The following TRIQK variants were observed in gnomAD, a reference collection of about 807,000 sequenced individuals.
TRIQK encodes triple QxxK/R motif containing.
Under a neutral mutation model 10.8 loss-of-function variants are expected in TRIQK, and 10 were observed. The observed-to-expected ratio is 0.92, with a 90% confidence interval of 0.57 to 1.57. The LOEUF (loss-of-function observed/expected upper bound fraction) is 1.57. TRIQK is among the 40% of genes most tolerant of loss of function. The pLI is 0.00. For synonymous variants in TRIQK, 33 were observed against 33.7 expected, an observed-to-expected ratio of 0.98 and a Z score of 0.07; for missense variants, 107 against 97.7, an observed-to-expected ratio of 1.09 and a Z score of -0.40.
chr8:92,930,598 A>C (rs1039216050), intron 2 of TRIQK, among the ~76,000 whole-genome samples: 2 of 151,990 alleles, frequency 1.3e-5, no homozygotes, highest in Non-Finnish European at 2.9e-5. Context: ...AATCAAACAA[A>C]AGGAATGAGA....
upstream of TRIQK, among the ~76,000 whole-genome samples, chr8:92,966,461 ACTGT>A (rs1210337588): frequency 2.0e-5 from 3 of 152,324 alleles, no homozygotes; most frequent in Admixed American, 2.0e-4. Flanking sequence ...GGAAGGGCGC[ACTGT>A]CTGTGTAAAC....
chr8:92,981,227 G>A (rs1021967729), intron 1 of TRIQK, among the ~76,000 whole-genome samples: 24 of 151,790 alleles, frequency 1.6e-4, no homozygotes, highest in Admixed American at 1.6e-3. Context: ...AAGCCTGTTC[G>A]TGAGGTCTGT....
chr8:92,926,124 T>C (rs575308170), intron 2 of TRIQK, among the ~76,000 whole-genome samples: 42 of 151,602 alleles, frequency 2.8e-4, no homozygotes, highest in African/African-American at 1.0e-3. Context: ...AACAGAAGAG[T>C]TGATAAACTG....
In TRIQK at chr8:92,952,554, A is replaced by G. The variant is rs1364035350; in HGVS notation, c.-22+1852T>C. Among the ~76,000 whole-genome samples the G allele has an allele frequency of 3.3e-5, 5 of 152,104 alleles. No homozygotes were observed. The South Asian group carries it at 1.0e-3, about 31-fold the overall frequency. On this transcript the variant is annotated intron_variant, in intron 2 of 4. Coordinates refer to ENST00000521988, the MANE Select transcript of TRIQK (RefSeq NM_001171797.2). ...TAAGAACAGAAGAAATATTTGAAAC[A>G]ATAATGACTGAGAATAAATGTCAGA...
chr8:92,896,566 G>T (rs1344669483), intron 3 of TRIQK, among the ~76,000 whole-genome samples: 1 of 152,142 alleles, frequency 6.6e-6, no homozygotes, highest in Non-Finnish European at 1.5e-5. Context: ...GCTGCTGGGT[G>T]GTTTGAACCC....
chr8:92,972,285 C>A (rs1812884021), intron 1 of TRIQK, among the ~76,000 whole-genome samples: 1 of 151,958 alleles, frequency 6.6e-6, no homozygotes, highest in Admixed American at 6.6e-5. Flanking sequence ...GGGTATAAGT[C>A]TATCATTTTT....
At chr8:93,008,057 A>C (rs1034774269) in intron 1 of TRIQK, among the ~76,000 whole-genome samples, 66 of 152,184 alleles carry the variant, frequency 4.3e-4, no homozygotes, top group African/African-American at 1.5e-3. Flanking sequence ...CAAATACTGC[A>C]TGTTCTCACT....
chr8:92,945,772 A>G (rs543104384), intron 2 of TRIQK, among the ~76,000 whole-genome samples: 42 of 152,320 alleles, frequency 2.8e-4, no homozygotes, highest in African/African-American at 9.4e-4. Flanking sequence ...ATATGTATTA[A>G]ATTTAGGATA....
intron 2 of TRIQK, among the ~76,000 whole-genome samples, chr8:92,944,418 T>C (rs1211054960): frequency 6.6e-6 from 1 of 152,052 alleles, no homozygotes; most frequent in African/African-American, 2.4e-5. Flanking sequence ...TCAATGTTTA[T>C]AACAGTACTA....
chr8:92,902,127 G>C (rs576682744), intron 3 of TRIQK, among the ~76,000 whole-genome samples: 5 of 151,944 alleles, frequency 3.3e-5, no homozygotes, highest in Non-Finnish European at 7.4e-5. Flanking sequence ...CACTGGTTCC[G>C]AGCCCAGCAG....
chr8:92,883,934 C>A lies in TRIQK; in HGVS notation c.*2688G>T, dbSNP rs964164989. ...CTCAAATAAATTTATACATTCTTTA[C>A]CCTGTCTAAACTTGCATGCAAAATA... On this transcript the variant is annotated 3_prime_UTR_variant, in exon 5 of 5. Coordinates refer to ENST00000521988, the MANE Select transcript of TRIQK (RefSeq NM_001171797.2). 4 of 151,650 alleles carry A rather than the reference C, an allele frequency of 2.6e-5. No individual in the cohort carries two copies. The highest frequency in any genetic ancestry group is 9.7e-5 in the African/African-American group (4 of 41,362). The allele number at this position is 151,650 out of a possible 1,614,324, so 9.4% of individuals were successfully genotyped here.
At chr8:92,980,400 T>C (rs1268570008) in intron 1 of TRIQK, among the ~76,000 whole-genome samples, 1 of 151,990 alleles carries the variant, frequency 6.6e-6, no homozygotes, top group Non-Finnish European at 1.5e-5. Context: ...CTCACGCGCG[T>C]GTGTGTTCAT....
At chr8:92,971,063 CA>C (rs1461711384), upstream of TRIQK, among the ~76,000 whole-genome samples, 1 of 152,070 alleles carries the variant, frequency 6.6e-6, no homozygotes, top group Non-Finnish European at 1.5e-5. Flanking sequence ...ATCCTTTCCC[CA>C]TTGCTTGTTT....
intron 2 of TRIQK, among the ~76,000 whole-genome samples, chr8:92,923,260 A>AG (rs1381636870): frequency 1.3e-5 from 2 of 151,686 alleles, no homozygotes; most frequent in Non-Finnish European, 3.0e-5. Context: ...CAAGAAATCC[A>AG]GGGAGACATT....
At chr8:92,988,391 T>C (rs1392512013) in intron 1 of TRIQK, among the ~76,000 whole-genome samples, 1 of 152,158 alleles carries the variant, frequency 6.6e-6, no homozygotes, top group Non-Finnish European at 1.5e-5. Context: ...ATAAATTAAA[T>C]GAAAAGAAAA....
At chr8:92,900,646 T>C (rs1401682333) in intron 3 of TRIQK, among the ~76,000 whole-genome samples, 3 of 152,178 alleles carry the variant, frequency 2.0e-5, no homozygotes, top group African/African-American at 7.2e-5. Flanking sequence ...ACTACAGTTC[T>C]GCAGTATAAT....
upstream of TRIQK, among the ~76,000 whole-genome samples, chr8:92,969,290 A>G (rs1812850135): frequency 6.6e-6 from 1 of 152,112 alleles, no homozygotes; most frequent in South Asian, 2.1e-4. Context: ...TTTTGGTTAC[A>G]TATTTAGAAT....
At chr8:93,012,428 A>G (rs1172148563) in intron 1 of TRIQK, among the ~76,000 whole-genome samples, 2 of 152,160 alleles carry the variant, frequency 1.3e-5, no homozygotes, top group Non-Finnish European at 2.9e-5. Flanking sequence ...TTGCAGTCAT[A>G]TGTAGATCCA....
At chr8:92,992,227 A>T (rs750884776) in intron 1 of TRIQK, among the ~76,000 whole-genome samples, 1 of 152,082 alleles carries the variant, frequency 6.6e-6, no homozygotes. Context: ...GGACCCAGGC[A>T]ATGTTCCTGG....
Sources: gnomAD v4.1 joint callset for allele counts (sites outside exome capture counted in the v4.1 genomes callset) on GRCh38, gnomAD v4.1.1 for gene constraint, MANE v1.5 for transcripts, NCBI Gene and HGNC (gene_info 2026-07-23, HGNC 2026-07-21) for gene names.